Variants in ADGRB3 observed in about 807,000 individuals in gnomAD.
ADGRB3 encodes adhesion G protein-coupled receptor B3.
A neutral mutation model predicts 193.4 loss-of-function variants in ADGRB3; 37 were observed. That is an observed-to-expected ratio of 0.19 (90% CI 0.15 to 0.25). The LOEUF is 0.25. ADGRB3 is among the 10% of genes least tolerant of loss of function. The pLI, the probability that ADGRB3 is intolerant of heterozygous loss-of-function variation, is 1.00. For missense variants in ADGRB3, 1,637 were observed against 1,852.9 expected (o/e 0.88, Z 2.14); for synonymous variants, 690 against 644.2 (o/e 1.07, Z -1.08).
intron 17 of ADGRB3, among the ~76,000 whole-genome samples, chr6:69,118,758 A>G (rs1261371427): frequency 2.0e-5 from 3 of 152,070 alleles, no homozygotes; most frequent in Non-Finnish European, 2.9e-5. Flanking sequence ...AGAAAAAAAA[A>G]ATAAGAGCCT....
intron 13 of ADGRB3, among the ~76,000 whole-genome samples, chr6:69,045,752 A>T (rs1771216166): frequency 6.6e-6 from 1 of 152,106 alleles, no homozygotes; most frequent in South Asian, 2.1e-4. Flanking sequence ...GTACATACTT[A>T]TAATAGTAAA....
intron 3 of ADGRB3, among the ~76,000 whole-genome samples, chr6:68,831,303 T>TAAAAAAAAAA (rs60991980): frequency 8.1e-6 from 1 of 123,752 alleles, no homozygotes; most frequent in Non-Finnish European, 1.7e-5. Context: ...TGGAGAAGAT[T>TAAAAAAAAAA]AAAAAAAAAA....
At chr6:68,674,726 A>C (rs934181538) in intron 3 of ADGRB3, among the ~76,000 whole-genome samples, 8 of 152,208 alleles carry the variant, frequency 5.3e-5, no homozygotes, top group African/African-American at 1.7e-4. Flanking sequence ...TAGAGATGCA[A>C]AGAACAAAAG....
chr6:69,266,572 T>C (rs1483378299), intron 20 of ADGRB3, among the ~76,000 whole-genome samples: 1 of 152,046 alleles, frequency 6.6e-6, no homozygotes, highest in East Asian at 1.9e-4. Flanking sequence ...AGTTTCAATG[T>C]TATAGTTTAG....
chr6:68,835,113 C>T (rs577390959), intron 3 of ADGRB3, among the ~76,000 whole-genome samples: 1 of 152,198 alleles, frequency 6.6e-6, no homozygotes, highest in African/African-American at 2.4e-5. Context: ...TTTCAGAACA[C>T]ATTAAACTTT....
chr6:68,821,900 A>G (rs926152020), intron 3 of ADGRB3, among the ~76,000 whole-genome samples: 3 of 152,028 alleles, frequency 2.0e-5, no homozygotes, highest in African/African-American at 4.8e-5. Context: ...TGCGTTTGAC[A>G]CTGTTATTCA....
chr6:69,100,384 C>T (rs1261713455), intron 17 of ADGRB3, among the ~76,000 whole-genome samples: 1 of 151,918 alleles, frequency 6.6e-6, no homozygotes, highest in African/African-American at 2.4e-5. Flanking sequence ...TGTTCCAATC[C>T]ATAAAATGTT....
intron 3 of ADGRB3, among the ~76,000 whole-genome samples, chr6:68,659,315 T>C (rs1022235488): frequency 6.7e-6 from 1 of 149,254 alleles, no homozygotes; most frequent in Non-Finnish European, 1.5e-5. Flanking sequence ...AAAAAACAGC[T>C]ACTTCATTTT....
At chr6:68,664,409 T>G (rs944701853) in intron 3 of ADGRB3, among the ~76,000 whole-genome samples, 1 of 151,788 alleles carries the variant, frequency 6.6e-6, no homozygotes, top group Non-Finnish European at 1.5e-5. Flanking sequence ...AGAATGGAAC[T>G]TTCGTGAATG....
At chr6:69,140,394 A>G (rs977184410) in intron 17 of ADGRB3, among the ~76,000 whole-genome samples, 4 of 152,218 alleles carry the variant, frequency 2.6e-5, no homozygotes, top group South Asian at 2.1e-4. Flanking sequence ...CAGAAAGACA[A>G]ACTTCACGTG....
intron 3 of ADGRB3, among the ~76,000 whole-genome samples, chr6:68,875,412 A>G (rs1433509279): frequency 6.6e-6 from 1 of 151,690 alleles, no homozygotes; most frequent in Non-Finnish European, 1.5e-5. Flanking sequence ...GAGCCATTGC[A>G]GATAGAAACA....
At chr6:68,883,568 G>C (rs1045537063) in intron 3 of ADGRB3, among the ~76,000 whole-genome samples, 1 of 152,120 alleles carries the variant, frequency 6.6e-6, no homozygotes, top group Non-Finnish European at 1.5e-5. Context: ...GCGAGACCAC[G>C]AACTCACTGG....
In ADGRB3 at chr6:68,829,697, G is replaced by A. The variant is rs115183920; in HGVS notation, c.758-100862G>A. Among the ~76,000 whole-genome samples the A allele has an allele frequency of 1.6e-3, 250 of 152,144 alleles. 3 individuals are homozygous for A. Among genetic ancestry groups the A allele is most frequent in the African/African-American group, 5.8e-3 (241 of 41,512 alleles). On this transcript the variant is annotated intron_variant, in intron 3 of 31. Coordinates refer to ENST00000370598, the MANE Select transcript of ADGRB3 (RefSeq NM_001704.3). ...TTACAAATACATTTAGAAATTTCAGGTAATTATTTTTCTTTGGATCTGCTT... is the reference window on the plus strand; with the variant it reads ...TTACAAATACATTTAGAAATTTCAGATAATTATTTTTCTTTGGATCTGCTT...
At chr6:68,688,251 A>G (rs1765016217) in intron 3 of ADGRB3, among the ~76,000 whole-genome samples, 1 of 152,194 alleles carries the variant, frequency 6.6e-6, no homozygotes. Flanking sequence ...GCTGAAGCTT[A>G]ATTAGCATGC....
intron 3 of ADGRB3, among the ~76,000 whole-genome samples, chr6:68,763,900 C>T (rs895227000): frequency 5.9e-5 from 9 of 152,082 alleles, no homozygotes; most frequent in African/African-American, 2.2e-4. Context: ...TGGTGAAACA[C>T]TGCCTCTACC....
chr6:69,190,956 A>G (rs58658850), intron 17 of ADGRB3, among the ~76,000 whole-genome samples: 22,140 of 152,120 alleles, frequency 0.15, 1,652 homozygotes, highest in Middle Eastern at 0.16. Context: ...CCAGGTTTGT[A>G]TTAGTACACT....
At chr6:69,218,988 C>T (rs969720827) in intron 17 of ADGRB3, among the ~76,000 whole-genome samples, 1 of 152,052 alleles carries the variant, frequency 6.6e-6, no homozygotes, top group African/African-American at 2.4e-5. Context: ...ACTGTACTTC[C>T]CTTCCTAGGG....
At chr6:69,231,435 G>A (rs1766137542) in intron 17 of ADGRB3, among the ~76,000 whole-genome samples, 1 of 152,202 alleles carries the variant, frequency 6.6e-6, no homozygotes, top group Admixed American at 6.5e-5. Context: ...TTAAAGTAAA[G>A]CTGCCATCCA....
At chr6:69,370,945 T>TG (rs1304629094) in intron 29 of ADGRB3, among the ~76,000 whole-genome samples, 1 of 152,052 alleles carries the variant, frequency 6.6e-6, no homozygotes, top group Non-Finnish European at 1.5e-5. Flanking sequence ...CACAGTTAGA[T>TG]AACAATAGTG....
Sources: gnomAD v4.1 joint callset for allele counts (sites outside exome capture counted in the v4.1 genomes callset) on GRCh38, gnomAD v4.1.1 for gene constraint, MANE v1.5 for transcripts, NCBI Gene and HGNC (gene_info 2026-07-23, HGNC 2026-07-21) for gene names.